SORCS1: variants seen among roughly 807,000 people sequenced by gnomAD.
SORCS1 encodes the protein VPS10 domain-containing receptor SorCS1.
In SORCS1, 60 loss-of-function variants were observed where a neutral mutation model predicts 146.1. The observed-to-expected ratio is 0.41, with a 90% CI of 0.33 to 0.51. The LOEUF is 0.51. SORCS1 is among the 20% of genes least tolerant of loss of function. The pLI, the probability that SORCS1 is intolerant of heterozygous loss-of-function variation, is 0.21. For missense variants in SORCS1, 1,352 were observed against 1,487.6 expected (o/e 0.91, Z 1.50); for synonymous variants, 637 against 584.0 (o/e 1.09, Z -1.31).
intron 1 of SORCS1, among the ~76,000 whole-genome samples, chr10:106,961,707 C>T (rs940419864): frequency 3.3e-5 from 5 of 152,138 alleles, no homozygotes; most frequent in African/African-American, 1.2e-4. Flanking sequence ...TAAGACACTC[C>T]CACCAGTGCC....
intron 6 of SORCS1, among the ~76,000 whole-genome samples, chr10:106,717,872 A>G (rs1034867697): frequency 6.6e-6 from 1 of 152,212 alleles, no homozygotes; most frequent in Non-Finnish European, 1.5e-5. Context: ...ATACCTCTGC[A>G]CAGATGTTTT....
intron 5 of SORCS1, among the ~76,000 whole-genome samples, chr10:106,757,588 G>A (rs1395250180): frequency 1.3e-5 from 2 of 152,168 alleles, no homozygotes; most frequent in Non-Finnish European, 2.9e-5. Flanking sequence ...AACAGTCATG[G>A]TACTATGCAA....
chr10:106,725,080 C>T (rs964923557), intron 6 of SORCS1, among the ~76,000 whole-genome samples: 21 of 152,152 alleles, frequency 1.4e-4, no homozygotes, highest in Admixed American at 7.9e-4. Context: ...GCAGAGGTTG[C>T]AGTGAGCTGA....
intron 5 of SORCS1, among the ~76,000 whole-genome samples, chr10:106,738,547 G>A (rs973065868): frequency 6.6e-6 from 1 of 152,190 alleles, no homozygotes; most frequent in Non-Finnish European, 1.5e-5. Flanking sequence ...TAAAATCAGT[G>A]TGAGAGGAAG....
chr10:107,143,332 T>C (rs775125070), intron 1 of SORCS1, among the ~76,000 whole-genome samples: 15 of 152,184 alleles, frequency 9.9e-5, no homozygotes, highest in Non-Finnish European at 1.8e-4. Flanking sequence ...TTTTGTTTTG[T>C]TGTTTTTGTT....
intron 2 of SORCS1, among the ~76,000 whole-genome samples, chr10:106,830,908 A>C (rs1218257750): frequency 1.3e-5 from 2 of 151,240 alleles, no homozygotes; most frequent in Non-Finnish European, 3.0e-5. Flanking sequence ...AACAAAACAA[A>C]AAAAGGCCAG....
At chr10:107,065,578 C>T (rs1159324611) in intron 1 of SORCS1, among the ~76,000 whole-genome samples, 11 of 146,754 alleles carry the variant, frequency 7.5e-5, no homozygotes, top group Non-Finnish European at 1.2e-4. Flanking sequence ...AGTGCAGTGG[C>T]GTGATCTCAA....
At chr10:107,179,496 C>A in the SORCS1 span, among the ~76,000 whole-genome samples, 1 of 152,126 alleles carries the variant, frequency 6.6e-6, no homozygotes, top group East Asian at 1.9e-4. Context: ...TTGAGAATGG[C>A]ATTTTTTACT....
intron 3 of SORCS1, among the ~76,000 whole-genome samples, chr10:106,808,508 T>A (rs1445791035): frequency 1.3e-5 from 2 of 152,058 alleles, no homozygotes; most frequent in Non-Finnish European, 2.9e-5. Context: ...TTATTTTATT[T>A]ATTTATTTAT....
chr10:106,590,322 G>T (rs927384895), intron 24 of SORCS1, among the ~76,000 whole-genome samples: 2 of 151,990 alleles, frequency 1.3e-5, no homozygotes, highest in African/African-American at 4.8e-5. Flanking sequence ...ACTAGTATTT[G>T]TGCCTCAGGT....
Position 106,724,892 on chromosome 10 carries a change from C to T in SORCS1, c.1024+5158G>A, listed in dbSNP as rs532404136. Among the ~76,000 whole-genome samples the T allele has an allele frequency of 6.6e-5, 10 of 152,258 alleles. No individual in the cohort carries two copies. In the East Asian group the frequency reaches 1.9e-3, roughly 29 times the overall value. Reference sequence around the variant, plus strand: ...TGGTGGCTCATGCCTGTAATCTCAGCCCTTTAGGAGGCCAGCGTGGGTGGA... The same window carrying T: ...TGGTGGCTCATGCCTGTAATCTCAGTCCTTTAGGAGGCCAGCGTGGGTGGA... On this transcript the variant is annotated intron_variant, in intron 6 of 25. Transcript: ENST00000263054.
chr10:107,121,915 A>C (rs1212634438), intron 1 of SORCS1, among the ~76,000 whole-genome samples: 1 of 152,216 alleles, frequency 6.6e-6, no homozygotes, highest in Non-Finnish European at 1.5e-5. Flanking sequence ...TAATACAAAA[A>C]TGTATTTATT....
chr10:106,731,319 A>G (rs1165146314), intron 5 of SORCS1, among the ~76,000 whole-genome samples: 2 of 150,764 alleles, frequency 1.3e-5, no homozygotes, highest in Non-Finnish European at 3.0e-5. Context: ...AAAAAAAAAA[A>G]AAGTACTTAT....
intron 19 of SORCS1, among the ~76,000 whole-genome samples, chr10:106,624,284 T>A (rs1343215668): frequency 2.6e-5 from 4 of 151,702 alleles, no homozygotes; most frequent in Admixed American, 6.6e-5. Flanking sequence ...CCTGCCATGT[T>A]TGAGAAATTG....
intron 18 of SORCS1, among the ~76,000 whole-genome samples, chr10:106,632,722 T>C (rs1402958937): frequency 6.6e-6 from 1 of 152,150 alleles, no homozygotes; most frequent in Non-Finnish European, 1.5e-5. Flanking sequence ...TGCACTTTAA[T>C]TAACTAATCA....
chr10:106,671,809 A>T (rs1851628841), intron 15 of SORCS1, among the ~76,000 whole-genome samples: 1 of 152,202 alleles, frequency 6.6e-6, no homozygotes, highest in African/African-American at 2.4e-5. Flanking sequence ...GCCTCGATTT[A>T]TTATGCCTCT....
At chr10:107,023,587 G>C (rs1225122969) in intron 1 of SORCS1, among the ~76,000 whole-genome samples, 2 of 152,048 alleles carry the variant, frequency 1.3e-5, no homozygotes, top group Non-Finnish European at 2.9e-5. Flanking sequence ...ATTCAAGATA[G>C]TACACGATTA....
chr10:107,172,601 A>G, the SORCS1 span, among the ~76,000 whole-genome samples: 3 of 152,220 alleles, frequency 2.0e-5, no homozygotes, highest in South Asian at 2.1e-4. Flanking sequence ...TGTGTCATCT[A>G]TCTCTTAACC....
At chr10:106,609,474 T>A (rs1272624740) in intron 22 of SORCS1, among the ~76,000 whole-genome samples, 1 of 152,236 alleles carries the variant, frequency 6.6e-6, no homozygotes, top group African/African-American at 2.4e-5. Flanking sequence ...TCATAGGGTT[T>A]ATTAGTGTAC....
Sources: allele counts gnomAD v4.1 joint callset (sites outside exome capture counted in the v4.1 genomes callset), GRCh38; gene constraint gnomAD v4.1.1; transcripts MANE v1.5; gene names NCBI Gene and HGNC (gene_info 2026-07-23, HGNC 2026-07-21).